The following SYT3 variants were observed in gnomAD, a reference collection of about 807,000 sequenced individuals.
SYT3 encodes the protein synaptotagmin 3.
A neutral mutation model predicts 50.6 loss-of-function variants in SYT3; 25 were observed. The ratio of observed to expected loss-of-function variants is 0.49; its 90% CI spans 0.36 to 0.69. The LOEUF (loss-of-function observed/expected upper bound fraction) is 0.69, where lower values mean the gene tolerates loss of function less well. SYT3 is among the 30% of genes least tolerant of loss of function. SYT3 has a pLI of 0.00. For missense variants in SYT3, 589 were observed against 793.6 expected, an observed-to-expected ratio of 0.74 and a Z score of 3.10; for synonymous variants, 323 against 353.9, an observed-to-expected ratio of 0.91 and a Z score of 0.98.
At chr19:50,644,643 G>A (rs764437098), upstream of SYT3, among the ~76,000 whole-genome samples, 15 of 151,952 alleles carry the variant, frequency 9.9e-5, no homozygotes, top group Non-Finnish European at 1.8e-4. Context: ...GGATGGATTT[G>A]TGGATGGGTG....
chr19:50,641,574 C>T (rs113872272), upstream of SYT3, among the ~76,000 whole-genome samples: 2,601 of 151,410 alleles, frequency 0.017, 38 homozygotes, highest in South Asian at 0.031. Flanking sequence ...TAGCCAGGTG[C>T]GGTGGCTCAT....
intron 9 of SYT3, among the ~76,000 whole-genome samples, chr19:50,623,567 G>C (rs78253421): frequency 0.57 from 27,656 of 48,656 alleles, 4,352 homozygotes; most frequent in African/African-American, 0.64. Flanking sequence ...CACTTGAGGT[G>C]GGAAGTTGAG....
rs368345573 is a variant in SYT3, at chr19:50,625,171, C to T, written c.1698G>A (p.Gln566=). ...NPRKPVEHWH[Q]LVEEKTVTSF... ...TGGGACCCCTACTCACCTCCACTAG[C>T]TGATGCCAGTGCTCCACGGGCTTGC... The change falls in exon 9 of 11, where the codon CAG becomes CAA. Residue 566 remains glutamine, a synonymous_variant. Transcript: ENST00000600079. This position sits in a 1 kb window ranked among gnomAD's most constrained non-coding sequence, Gnocchi z 7.5. 21 of 1,597,844 alleles carry T rather than the reference C, an allele frequency of 1.3e-5. No homozygotes were observed. The highest frequency in any genetic ancestry group is 1.7e-4 in the Middle Eastern group (1 of 6,046).
rs1188127355 is a variant in SYT3 at position 50,622,493 on chromosome 19, A to G, written c.*4-12T>C. The G allele has an allele frequency of 2.2e-5, 12 of 556,462 alleles. No individual in the cohort carries two copies. The highest frequency in any genetic ancestry group is 4.0e-5 in the Non-Finnish European group (12 of 298,662). 34.5% of individuals were successfully genotyped at this position (556,462 alleles called of 1,614,324 possible). A position where few individuals can be genotyped will look rare whatever the true frequency, so the allele number is the denominator to read the frequency against. On this transcript the variant is annotated splice_polypyrimidine_tract_variant and intron_variant, in intron 10 of 10. Coordinates refer to ENST00000600079, the MANE Select transcript of SYT3 (RefSeq NM_001160329.2). ...GGCCTAGGCCAGACCTGCACGATGG[A>G]GCAGGAAAGGAGGGGTCAGCAATGG...
Position 50,630,094 on chromosome 19 carries a change from G to A in SYT3, c.752C>T (p.Pro251Leu), listed in dbSNP as rs1221422109. ...QPDPSSEERP[P>L]ALPLPLPGGE... Reference sequence around the variant, plus strand: ...TCCAGGCAGGGGTAAGGGCAGGGCAGGTGGCCGCTCCTCACTGCTGGGGTC... The same window carrying A: ...TCCAGGCAGGGGTAAGGGCAGGGCAAGTGGCCGCTCCTCACTGCTGGGGTC... The change falls in exon 5 of 11, where the codon CCT (proline) becomes CTT (leucine). Residue 251 changes from proline (P) to leucine (L), a missense_variant. Pro to Leu is a moderately conservative substitution (Grantham distance 98). Coordinates refer to ENST00000600079, the MANE Select transcript of SYT3 (RefSeq NM_001160329.2). The A allele has an allele frequency of 1.2e-6, 2 of 1,611,586 alleles. No homozygotes were observed. Among genetic ancestry groups the A allele is most frequent in the Non-Finnish European group, 8.5e-7 (1 of 1,178,370 alleles).
intron 5 of SYT3, 88 bp downstream of exon 5, chr19:50,629,696 C>T: frequency 9.4e-7 from 1 of 1,066,598 alleles, no homozygotes; most frequent in East Asian, 2.5e-5. Flanking sequence ...GGAGTCCAGG[C>T]CCCCAGCCCC....
intron 3 of SYT3, among the ~76,000 whole-genome samples, chr19:50,636,336 AG>A (rs1984494438): frequency 1.3e-5 from 2 of 152,180 alleles, no homozygotes; most frequent in Non-Finnish European, 2.9e-5. Context: ...ATTGAACCTG[AG>A]GGTGGTCATG....
At chr19:50,630,264 C>T (rs10407942) in intron 4 of SYT3, 93 bp from the exon 5 acceptor site, 836,543 of 1,301,472 alleles carry the variant, frequency 0.64, 276,153 homozygotes, top group African/African-American at 0.81. Context: ...TGCCTTTCCC[C>T]CCATCCCCCA....
At chr19:50,648,096 A>G in the SYT3 span, among the ~76,000 whole-genome samples, 17 of 152,252 alleles carry the variant, frequency 1.1e-4, no homozygotes, top group East Asian at 5.8e-4. Context: ...CAGGAATCCA[A>G]CTGTCTGTAT....
intron 3 of SYT3, among the ~76,000 whole-genome samples, chr19:50,633,943 C>T (rs1012268889): frequency 5.3e-5 from 8 of 152,224 alleles, no homozygotes; most frequent in Non-Finnish European, 7.3e-5. Flanking sequence ...GATGCTATCA[C>T]ACCTCAACGC....
chr19:50,655,971 G>A, the SYT3 span: 1 of 1,364,882 alleles, frequency 7.3e-7, no homozygotes, highest in South Asian at 1.2e-5. Context: ...GCATGGGCAA[G>A]CAATTGGTGA....
intron 4 of SYT3, among the ~76,000 whole-genome samples, chr19:50,630,853 C>T (rs1420250887): frequency 2.0e-5 from 3 of 152,152 alleles, no homozygotes; most frequent in Non-Finnish European, 1.5e-5. Flanking sequence ...CTTCTTTGAA[C>T]GCTCTTCTGC....
chr19:50,642,665 C>G (rs1053191992), upstream of SYT3, among the ~76,000 whole-genome samples: 1 of 152,066 alleles, frequency 6.6e-6, no homozygotes, highest in African/African-American at 2.4e-5. Context: ...GAAACCCCGT[C>G]TCTACTAAAA....
In SYT3 at chr19:50,629,876, G is replaced by C. The variant is rs1984230039; in HGVS notation, c.970C>G (p.Leu324Val). ...DQLVVRILQA[L>V]DLPAKDSNGF... is the part of the protein sequence containing the mutation. Reference sequence around the variant, plus strand: ...TTGGAGTCCTTGGCAGGGAGGTCCAGGGCCTGCAGGATCCTCACCACCAGC... The same window carrying C: ...TTGGAGTCCTTGGCAGGGAGGTCCACGGCCTGCAGGATCCTCACCACCAGC... Residue 324 changes from leucine to valine, a missense_variant, in exon 5 of 11, where the codon CTG becomes GTG. Around this residue, in one of 2 missense-constraint regions of SYT3, gnomAD observed 273 missense variants for 439.3 expected, o/e 0.62. Transcript: ENST00000600079. 2.5e-6 allele frequency: 4 copies of C among 1,614,118 alleles called. No individual in the cohort carries two copies. Among genetic ancestry groups the C allele is most frequent in the Non-Finnish European group, 3.4e-6 (4 of 1,180,000 alleles).
At chr19:50,658,068 T>A in the SYT3 span, 1 of 1,535,828 alleles carries the variant, frequency 6.5e-7, no homozygotes, top group South Asian at 1.2e-5. Context: ...AGCGGGCGCG[T>A]GAGCAGCATC....
At chr19:50,644,327 A>AAT (rs1275464402), upstream of SYT3, among the ~76,000 whole-genome samples, 1 of 152,052 alleles carries the variant, frequency 6.6e-6, no homozygotes, top group Non-Finnish European at 1.5e-5. Context: ...ATGTTGGAGG[A>AAT]ATAGATGAAG....
rs767302874 is a variant in SYT3 at position 50,625,526 on chromosome 19, G to A, written c.1441C>T (p.Arg481Cys). 1.2e-6 allele frequency: 2 copies of A among 1,605,726 alleles called. No homozygotes were observed. Among genetic ancestry groups the A allele is most frequent in the Non-Finnish European group, 1.7e-6 (2 of 1,176,308 alleles). Residue 481 changes from arginine to cysteine, a missense_variant, in exon 8 of 11, where the codon CGT becomes TGT. Transcript: ENST00000600079. The surrounding 1 kb of genome is among the most constrained non-coding windows in gnomAD (Gnocchi z 7.5). The part of the protein sequence containing the change: ...VKASLISEGR[R>C]LKKRKTSIKK... Reference sequence around the variant, plus strand: ...ATGGAGGTTTTCCGCTTCTTCAGACGCCGCCCCTCGCTGATCAGGGAGGCC... The same window carrying A: ...ATGGAGGTTTTCCGCTTCTTCAGACACCGCCCCTCGCTGATCAGGGAGGCC...
chr19:50,654,294 T>C, the SYT3 span, among the ~76,000 whole-genome samples: 1 of 151,770 alleles, frequency 6.6e-6, no homozygotes, highest in African/African-American at 2.4e-5. Flanking sequence ...CTCTCTCTTT[T>C]CTTTCTCTCC....
rs1984237469 is a variant in SYT3 at position 50,630,012 on chromosome 19, A to G, written c.834T>C (p.Thr278=). Residue 278 remains threonine (T), a synonymous_variant, in exon 5 of 11, where the codon ACT becomes ACC. Transcript: ENST00000600079. ...GQIKPELYQG[T]GPGGRRSGGG... ...CACCGCTCCGCCGGCCACCAGGGCC[A>G]GTCCCCTGGTACAGCTCTGGCTTAA... 9.9e-6 allele frequency: 16 copies of G among 1,613,788 alleles called. No individual in the cohort carries two copies. Among genetic ancestry groups the G allele is most frequent in the Non-Finnish European group, 1.1e-5 (13 of 1,179,940 alleles).
Sources: gnomAD v4.1 joint callset for allele counts (sites outside exome capture counted in the v4.1 genomes callset) on GRCh38, gnomAD v4.1.1 for gene constraint, gnomAD v4.1.1 regional missense constraint, Gnocchi (gnomAD v3.1) non-coding constraint, MANE v1.5 for transcripts, NCBI Gene and HGNC (gene_info 2026-07-23, HGNC 2026-07-21) for gene names.